MYBPC1: variants seen among roughly 807,000 people sequenced by gnomAD.
The protein encoded by MYBPC1 is myosin binding protein C1, also known as myosin-binding protein C, slow-type.
MYBPC1 carries 52 observed loss-of-function variants against 147.1 expected under a neutral mutation model. The observed-to-expected ratio is 0.35, with a 90% confidence interval of 0.28 to 0.45. The LOEUF is 0.45. Ranked by LOEUF, MYBPC1 falls within the 20% of genes least tolerant of loss-of-function variation. The probability of loss-of-function intolerance (pLI) is 1.00; values close to 1 mark genes in which losing one functional copy is unlikely to be tolerated. For missense variants in MYBPC1, 1,228 were observed against 1,440.3 expected (o/e 0.85, Z 2.39); for synonymous variants, 477 against 475.9 (o/e 1.00, Z -0.03).
intron 10 of MYBPC1, among the ~76,000 whole-genome samples, chr12:101,640,544 G>C (rs1891819605): frequency 6.6e-6 from 1 of 152,142 alleles, no homozygotes; most frequent in African/African-American, 2.4e-5. Context: ...GAGTTTTTAA[G>C]AGGCACATTT....
intron 23 of MYBPC1, 50 bp from the exon 24 acceptor site, chr12:101,670,271 T>A (rs1898358314): frequency 6.6e-7 from 1 of 1,503,818 alleles, no homozygotes; most frequent in Non-Finnish European, 9.3e-7. Context: ...GTAAGGCTAT[T>A]TTCAGACACC....
intron 9 of MYBPC1, among the ~76,000 whole-genome samples, chr12:101,635,387 T>A (rs533213797): frequency 1.3e-5 from 2 of 152,276 alleles, no homozygotes; most frequent in Admixed American, 1.3e-4. Flanking sequence ...GGAAAGTCAC[T>A]CCAAACTATT....
At chr12:101,681,585 TATATATA>T (rs1385906544) in intron 29 of MYBPC1, among the ~76,000 whole-genome samples, 36 of 30,146 alleles carry the variant, frequency 1.2e-3, no homozygotes, top group African/African-American at 1.6e-3. Context: ...TATATATATA[TATATATA>T]TTTTTTTTTT....
Position 101,675,337 on chromosome 12 carries a change from G to A in MYBPC1, c.2855G>A (p.Gly952Glu), listed in dbSNP as rs760703201. 6.2e-7 allele frequency: 1 copy of A among 1,613,998 alleles called. No individual in the cohort carries two copies. The highest frequency in any genetic ancestry group is 1.1e-5 in the South Asian group (1 of 91,074). Reference protein sequence around the residue: ...PQIVKIEDVWGENVALTWTPP... With the variant: ...PQIVKIEDVWEENVALTWTPP... ...ATTGTGAAGATTGAGGATGTCTGGG[G>A]AGAAAATGTCGCTCTCACATGGACT... The change falls in exon 26 of 32, where the codon GGA becomes GAA. Residue 952 changes from glycine to glutamate, a missense_variant. Around this residue, in one of 2 missense-constraint regions of MYBPC1, gnomAD observed 1,077 missense variants for 1,314.2 expected, o/e 0.82. Transcript: ENST00000361466.
At chr12:101,663,245 C>G (rs766466071) in intron 21 of MYBPC1, among the ~76,000 whole-genome samples, 181 bp from the exon 22 acceptor site, 3 of 152,184 alleles carry the variant, frequency 2.0e-5, no homozygotes, top group African/African-American at 7.2e-5. Flanking sequence ...TTCCAAAATT[C>G]TCACATTGAT....
At chr12:101,671,161 A>G (rs1156670894) in intron 24 of MYBPC1, among the ~76,000 whole-genome samples, 1 of 152,182 alleles carries the variant, frequency 6.6e-6, no homozygotes, top group Non-Finnish European at 1.5e-5. Context: ...GAAACGTGTA[A>G]CTAGGAACTA....
chr12:101,685,346 G>T (rs756133317), intron 31 of MYBPC1, among the ~76,000 whole-genome samples: 3 of 152,110 alleles, frequency 2.0e-5, no homozygotes, highest in Non-Finnish European at 2.9e-5. Flanking sequence ...CAATAGTAGG[G>T]GAAAAACTGC....
intron 26 of MYBPC1, among the ~76,000 whole-genome samples, chr12:101,676,571 A>G (rs987362366): frequency 3.3e-5 from 5 of 152,094 alleles, no homozygotes; most frequent in African/African-American, 1.2e-4. Flanking sequence ...CCTGGACAAC[A>G]TAGGGAGACC....
intron 9 of MYBPC1, among the ~76,000 whole-genome samples, chr12:101,634,920 T>C (rs1483645008): frequency 6.6e-6 from 1 of 152,194 alleles, no homozygotes; most frequent in Admixed American, 6.5e-5. Context: ...TTCCACCAAA[T>C]GGCCAAAAGA....
chr12:101,645,126 T>A (rs559136885), intron 12 of MYBPC1, among the ~76,000 whole-genome samples: 1 of 152,302 alleles, frequency 6.6e-6, no homozygotes, highest in Non-Finnish European at 1.5e-5. Context: ...TAACTTGCAA[T>A]CCATATTTGA....
intron 29 of MYBPC1, among the ~76,000 whole-genome samples, chr12:101,681,786 TTCAGTAAAG>T (rs1465244856): frequency 9.3e-5 from 14 of 150,692 alleles, no homozygotes; most frequent in Non-Finnish European, 1.0e-4. Context: ...TTTTTGTATC[TTCAGTAAAG>T]ACGGGTTTTT....
At chr12:101,636,089 T>G (rs1565932708) in intron 9 of MYBPC1, among the ~76,000 whole-genome samples, 1 of 152,184 alleles carries the variant, frequency 6.6e-6, no homozygotes, top group Non-Finnish European at 1.5e-5. Flanking sequence ...ATTATCACCC[T>G]TTAAGACAGA....
At chr12:101,640,275 G>T (rs762190893) in intron 10 of MYBPC1, among the ~76,000 whole-genome samples, 1 of 152,130 alleles carries the variant, frequency 6.6e-6, no homozygotes, top group Non-Finnish European at 1.5e-5. Context: ...GCCTCCTAAA[G>T]TGCTGGGATT....
intron 1 of MYBPC1, among the ~76,000 whole-genome samples, chr12:101,607,058 T>A (rs1467859832): frequency 6.6e-6 from 1 of 152,138 alleles, no homozygotes; most frequent in Admixed American, 6.6e-5. Flanking sequence ...ACTCCTGAGC[T>A]CAAGCGATTC....
chr12:101,599,566 G>A (rs1053995892), intron 1 of MYBPC1, among the ~76,000 whole-genome samples: 7 of 152,154 alleles, frequency 4.6e-5, no homozygotes, highest in African/African-American at 1.7e-4. Flanking sequence ...CTGCAAGAGA[G>A]TGAATGGCCT....
At chr12:101,597,562 G>A (rs1461363553) in intron 1 of MYBPC1, among the ~76,000 whole-genome samples, 2 of 152,154 alleles carry the variant, frequency 1.3e-5, no homozygotes, top group Non-Finnish European at 2.9e-5. Context: ...AGGAGAAGGA[G>A]GAAGGACAGA....
intron 29 of MYBPC1, among the ~76,000 whole-genome samples, chr12:101,680,979 A>G (rs1001145315): frequency 6.6e-6 from 1 of 152,164 alleles, no homozygotes; most frequent in Non-Finnish European, 1.5e-5. Flanking sequence ...TTATTTTCTG[A>G]TATTTATAGA....
chr12:101,673,877 G>GC (rs1899260184), intron 25 of MYBPC1, among the ~76,000 whole-genome samples: 1 of 151,996 alleles, frequency 6.6e-6, no homozygotes, highest in Non-Finnish European at 1.5e-5. Flanking sequence ...ACATTGTGAA[G>GC]CCCCGTCTCT....
At chr12:101,634,422 C>T in intron 8 of MYBPC1, 132 bp from the exon 9 acceptor site, 1 of 735,248 alleles carries the variant, frequency 1.4e-6, no homozygotes, top group Non-Finnish European at 2.4e-6. Flanking sequence ...GCAGCACAGC[C>T]ATTCAGGAGA....
Sources: gnomAD v4.1 joint callset for allele counts (sites outside exome capture counted in the v4.1 genomes callset) on GRCh38, gnomAD v4.1.1 for gene constraint, gnomAD v4.1.1 regional missense constraint, MANE v1.5 for transcripts, NCBI Gene and HGNC (gene_info 2026-07-23, HGNC 2026-07-21) for gene names.